ZNF780B: variants seen among roughly 807,000 people sequenced by gnomAD.
ZNF780B encodes zinc finger protein 780B.
Under a neutral mutation model 74.1 loss-of-function variants are expected in ZNF780B, and 52 were observed. The ratio of observed to expected loss-of-function variants is 0.70; its 90% CI spans 0.56 to 0.88. The LOEUF is 0.88. Among genes scored for constraint, ZNF780B ranks in the 40% least tolerant of loss-of-function variants. The pLI is 0.00. For missense variants in ZNF780B, 953 were observed against 1,007.6 expected (o/e 0.95, Z 0.73); for synonymous variants, 315 against 324.3 (o/e 0.97, Z 0.31).
chr19:40,055,416 C>G (rs1450504342), intron 1 of ZNF780B: 1 of 152,078 alleles, frequency 6.6e-6, no homozygotes, highest in Non-Finnish European at 1.5e-5. Context: ...ACAAACTCAC[C>G]CTTGACTTAA....
intron 4 of ZNF780B, among the ~76,000 whole-genome samples, chr19:40,040,179 T>C (rs976743106): frequency 6.6e-6 from 1 of 152,262 alleles, no homozygotes; most frequent in South Asian, 2.1e-4. Flanking sequence ...ATGTGGTTTT[T>C]GTCTTTGGTT....
In ZNF780B at chr19:40,036,026, T is replaced by C; in HGVS notation, c.833A>G (p.Gln278Arg). ...AAAGGCTTTCCCACACTCCTTACAT[T>C]GATATGGTTTTACACCAGCATGAAT... ...QSIHAGVKPYQCKECGKAFNR... is the reference protein window; with the variant it reads ...QSIHAGVKPYRCKECGKAFNR... The change falls in exon 5 of 5, where the codon CAA becomes CGA. Residue 278 changes from glutamine to arginine, a missense_variant. Gln to Arg is a conservative substitution (Grantham distance 43, BLOSUM62 1). Transcript: ENST00000434248. The C allele has an allele frequency of 6.2e-7, 1 of 1,614,012 alleles. No homozygotes were observed. The highest frequency in any genetic ancestry group is 1.3e-5 in the African/African-American group (1 of 74,998).
At position 40,035,071 on chromosome 19, in the gene ZNF780B, A is replaced by G; in HGVS notation, c.1788T>C (p.Leu596=). ...ECKECGKAFR[L]HMHLIRHQKF... ...TCTGATGTCGAATAAGGTGCATATG[A>G]AGTCGAAAGGCTTTCCCACATTCCT... The change falls in exon 5 of 5, where the codon CTT becomes CTC. Residue 596 remains leucine (L), a synonymous_variant. Coordinates refer to ENST00000434248, the MANE Select transcript of ZNF780B (RefSeq NM_001005851.3). 4 of 1,614,146 alleles carry G rather than the reference A, an allele frequency of 2.5e-6. No homozygotes were observed. Among genetic ancestry groups the G allele is most frequent in the Non-Finnish European group, 3.4e-6 (4 of 1,180,008 alleles).
chr19:40,036,311 T>C lies in ZNF780B; in HGVS notation c.548A>G (p.His183Arg). Residue 183 changes from histidine to arginine, a missense_variant, in exon 5 of 5, where the codon CAT becomes CGT. Transcript: ENST00000434248. ...TTTCTCTCCAGTATGAATACTCTGATGCTGAATAAGATTTGAACCACAACT... is the reference window on the plus strand; with the variant it reads ...TTTCTCTCCAGTATGAATACTCTGACGCTGAATAAGATTTGAACCACAACT... The part of the protein sequence containing the change: ...YFSCGSNLIQ[H>R]QSIHTGEKPY... The C allele has an allele frequency of 6.2e-7, 1 of 1,613,972 alleles. No homozygotes were observed. Among genetic ancestry groups the C allele is most frequent in the Non-Finnish European group, 8.5e-7 (1 of 1,179,958 alleles).
Position 40,035,132 on chromosome 19 carries a change from C to T in ZNF780B, c.1727G>A (p.Arg576Gln), listed in dbSNP as rs61737024. Reference protein sequence around the residue: ...FRRGSNLNQHRSIHTGKKPFE... With the variant: ...FRRGSNLNQHQSIHTGKKPFE... ...GGGTTTCTTTCCGGTATGAATACTT[C>T]GATGTTGATTAAGATTTGAACCACG... is the stretch of plus-strand genomic sequence containing the variant. The change falls in exon 5 of 5, where the codon CGA (arginine) becomes CAA (glutamine). Residue 576 changes from arginine (R) to glutamine (Q), a missense_variant. Arg to Gln is a conservative substitution (Grantham distance 43, BLOSUM62 1). Coordinates refer to ENST00000434248, the MANE Select transcript of ZNF780B (RefSeq NM_001005851.3). 40,077 of 1,613,544 alleles carry T rather than the reference C, an allele frequency of 0.025. 807 individuals carry two copies. Among genetic ancestry groups the T allele is most frequent in the South Asian group, 0.081 (7,394 of 91,052 alleles).
At position 40,034,799 on chromosome 19, in the gene ZNF780B, T is replaced by G. The variant is rs538594298; in HGVS notation, c.2060A>C (p.His687Pro). 6.2e-7 allele frequency: 1 copy of G among 1,614,006 alleles called. No homozygotes were observed. The highest frequency in any genetic ancestry group is 1.7e-5 in the Admixed American group (1 of 59,998). Residue 687 changes from histidine to proline, a missense_variant, in exon 5 of 5, where the codon CAT becomes CCT. His to Pro is a moderately conservative substitution (Grantham distance 77). Transcript: ENST00000434248. ...GFSRVSNLIQHQKTHSSAKPF... is the reference protein window; with the variant it reads ...GFSRVSNLIQPQKTHSSAKPF... ...TTTCGCACTGGAATGAGTTTTCTGATGCTGAATAAGGTTTGAAACACGACT... is the reference window on the plus strand; with the variant it reads ...TTTCGCACTGGAATGAGTTTTCTGAGGCTGAATAAGGTTTGAAACACGACT...
chr19:40,034,216 C>T lies in ZNF780B; in HGVS notation c.*141G>A. 2 of 735,484 alleles carry T rather than the reference C, an allele frequency of 2.7e-6. No individual in the cohort carries two copies. Among genetic ancestry groups the T allele is most frequent in the Non-Finnish European group, 4.6e-6 (2 of 437,376 alleles). 45.6% of individuals were successfully genotyped at this position (735,484 alleles called of 1,614,324 possible). A position where few individuals can be genotyped will look rare whatever the true frequency, so the allele number is the denominator to read the frequency against. ...TCACCAGTATGAATTCTCTGATGTA[C>T]TCTAAGGTTTCTACCACTGGTAAAG... On this transcript the variant is annotated 3_prime_UTR_variant, in exon 5 of 5. Coordinates refer to ENST00000434248, the MANE Select transcript of ZNF780B (RefSeq NM_001005851.3).
At position 40,035,994 on chromosome 19, in the gene ZNF780B, C is replaced by T. The variant is rs964676339; in HGVS notation, c.865G>A (p.Gly289Ser). The stretch of plus-strand genomic sequence containing the variant: ...TTTTGATGCTGAATAAGATTTGAAC[C>T]ACGATTAAAGGCTTTCCCACACTCC... ...CKECGKAFNR[G>S]SNLIQHQKIH... is the part of the protein sequence containing the mutation. The change falls in exon 5 of 5, where the codon GGT (glycine) becomes AGT (serine). Residue 289 changes from glycine (G) to serine (S), a missense_variant. Gly to Ser is a moderately conservative substitution (Grantham distance 56). Coordinates refer to ENST00000434248, the MANE Select transcript of ZNF780B (RefSeq NM_001005851.3). 6.2e-7 allele frequency: 1 copy of T among 1,613,832 alleles called. No individual in the cohort carries two copies.
At chr19:40,054,840 A>G (rs1459920486) in intron 1 of ZNF780B, among the ~76,000 whole-genome samples, 1 of 152,230 alleles carries the variant, frequency 6.6e-6, no homozygotes, top group Non-Finnish European at 1.5e-5. Flanking sequence ...TAACCGCAAC[A>G]GCGTACTGCC....
At chr19:40,050,512 A>T (rs1235874460) in intron 1 of ZNF780B, 135 bp from the exon 2 acceptor site, 4 of 905,704 alleles carry the variant, frequency 4.4e-6, no homozygotes, top group Non-Finnish European at 6.6e-6. Flanking sequence ...TTCTCCCGTC[A>T]CTCCCTTTTT....
At position 40,035,633 on chromosome 19, in the gene ZNF780B, C is replaced by T. The variant is rs1333573225; in HGVS notation, c.1226G>A (p.Ser409Asn). 6.2e-7 allele frequency: 1 copy of T among 1,613,760 alleles called. No individual in the cohort carries two copies. The highest frequency in any genetic ancestry group is 8.5e-7 in the Non-Finnish European group (1 of 1,179,966). Residue 409 changes from serine to asparagine, a missense_variant, in exon 5 of 5, where the codon AGT becomes AAT. Physicochemically the swap from Ser to Asn is conservative, Grantham distance 46. Transcript: ENST00000434248. ...NRSSNLIQHQ[S>N]IHADVKPYEC... ...ATATGGTTTTACATCAGCATGAATA[C>T]TCTGGTGTTGAATAAGGTTTGAACT...
chr19:40,035,898 T>C lies in ZNF780B; in HGVS notation c.961A>G (p.Ile321Val). The change falls in exon 5 of 5, where the codon ATT (isoleucine) becomes GTT (valine). Residue 321 changes from isoleucine (I) to valine (V), a missense_variant. Transcript: ENST00000434248. ...EMAFRYHYQL[I>V]EHCRIHTGEK... ...CCAGTATGAATTCGGCAATGTTCAA[T>C]GAGTTGGTAATGATATCGAAAGGCC... is the stretch of plus-strand genomic sequence containing the variant. 3.1e-6 allele frequency: 5 copies of C among 1,613,550 alleles called. No individual in the cohort carries two copies. The highest frequency in any genetic ancestry group is 1.7e-4 in the Middle Eastern group (1 of 6,056).
At chr19:40,049,875 C>G (rs1271685799) in intron 2 of ZNF780B, among the ~76,000 whole-genome samples, 1 of 152,076 alleles carries the variant, frequency 6.6e-6, no homozygotes, top group Non-Finnish European at 1.5e-5. Flanking sequence ...CACCAAACTT[C>G]ACTGTAATGG....
At chr19:40,054,965 G>C (rs117297510) in intron 1 of ZNF780B, among the ~76,000 whole-genome samples, 255 of 152,246 alleles carry the variant, frequency 1.7e-3, no homozygotes, top group Middle Eastern at 6.8e-3. Context: ...CCTGACTCTG[G>C]TTGATACCAA....
At chr19:40,040,446 C>A (rs1174675678) in intron 4 of ZNF780B, among the ~76,000 whole-genome samples, 1 of 152,136 alleles carries the variant, frequency 6.6e-6, no homozygotes, top group Non-Finnish European at 1.5e-5. Flanking sequence ...GGGAGGATTC[C>A]CTCTTTTTCT....
At chr19:40,053,927 C>T (rs970629112) in intron 1 of ZNF780B, among the ~76,000 whole-genome samples, 1 of 152,186 alleles carries the variant, frequency 6.6e-6, no homozygotes, top group Non-Finnish European at 1.5e-5. Context: ...CCGAGGCAGG[C>T]GGATCACCTA....
At chr19:40,043,576 C>A (rs1179235816) in intron 4 of ZNF780B, among the ~76,000 whole-genome samples, 2 of 152,256 alleles carry the variant, frequency 1.3e-5, no homozygotes, top group Non-Finnish European at 2.9e-5. Context: ...AGCTCCCCGG[C>A]TGCTTTGTTT....
chr19:40,051,465 G>A (rs189942731), intron 1 of ZNF780B, among the ~76,000 whole-genome samples: 5 of 152,098 alleles, frequency 3.3e-5, no homozygotes, highest in Admixed American at 2.6e-4. Context: ...ACACTAAGAT[G>A]TCTATGTTTT....
chr19:40,046,311 T>C (rs1972930901), intron 4 of ZNF780B, among the ~76,000 whole-genome samples: 1 of 152,204 alleles, frequency 6.6e-6, no homozygotes, highest in Non-Finnish European at 1.5e-5. Flanking sequence ...ATACCTCAAA[T>C]ACCCTGACAC....
Sources: allele counts gnomAD v4.1 joint callset (sites outside exome capture counted in the v4.1 genomes callset), GRCh38; gene constraint gnomAD v4.1.1; transcripts MANE v1.5; gene names NCBI Gene and HGNC (gene_info 2026-07-23, HGNC 2026-07-21).